SOX5: variants seen among roughly 807,000 people sequenced by gnomAD.
SOX5 encodes transcription factor SOX-5.
SOX5 carries 9 observed loss-of-function variants against 92.0 expected under a neutral mutation model. The ratio of observed to expected loss-of-function variants is 0.10; its 90% CI spans 0.06 to 0.17. The LOEUF is 0.17. SOX5 is among the 10% of genes least tolerant of loss of function. The pLI is 1.00. For missense variants in SOX5, 642 were observed against 944.5 expected (o/e 0.68, Z 4.20); for synonymous variants, 344 against 336.3 (o/e 1.02, Z -0.25).
At chr12:24,287,410 C>A (rs1177922183) in intron 2 of SOX5, among the ~76,000 whole-genome samples, 1 of 152,090 alleles carries the variant, frequency 6.6e-6, no homozygotes, top group African/African-American at 2.4e-5. Context: ...GAAACATGAA[C>A]AAAGTACTTG....
intron 1 of SOX5, among the ~76,000 whole-genome samples, chr12:24,435,150 GA>G (rs915635313): frequency 3.3e-5 from 5 of 152,160 alleles, no homozygotes; most frequent in African/African-American, 1.2e-4. Flanking sequence ...GCCTGTGAGG[GA>G]AAAAAAGTAT....
chr12:24,540,585 T>C (rs1952032520), intron 1 of SOX5, among the ~76,000 whole-genome samples: 1 of 152,122 alleles, frequency 6.6e-6, no homozygotes, highest in Non-Finnish European at 1.5e-5. Context: ...TTCTGGTGAA[T>C]TAAAAAAGGA....
chr12:24,132,976 G>C (rs1052850629), intron 4 of SOX5, among the ~76,000 whole-genome samples: 1 of 152,160 alleles, frequency 6.6e-6, no homozygotes, highest in African/African-American at 2.4e-5. Flanking sequence ...ATTGCAGTAA[G>C]TAAAAGATAA....
At chr12:24,358,065 G>A (rs1955086520) in intron 2 of SOX5, among the ~76,000 whole-genome samples, 1 of 152,094 alleles carries the variant, frequency 6.6e-6, no homozygotes, top group Non-Finnish European at 1.5e-5. Flanking sequence ...CACGTAACGG[G>A]CATCCAATAA....
At chr12:23,857,076 T>C (rs1595093530) in intron 2 of SOX5, among the ~76,000 whole-genome samples, 2 of 152,134 alleles carry the variant, frequency 1.3e-5, no homozygotes, top group South Asian at 4.2e-4. Context: ...TACAGAGCAT[T>C]CCCAGAGGCA....
At chr12:23,621,527 T>C (rs2077179928) in intron 8 of SOX5, among the ~76,000 whole-genome samples, 1 of 152,142 alleles carries the variant, frequency 6.6e-6, no homozygotes, top group African/African-American at 2.4e-5. Flanking sequence ...CAAGACCACA[T>C]TAGGCTTTAT....
intron 6 of SOX5, among the ~76,000 whole-genome samples, chr12:23,677,095 A>G (rs1358008382): frequency 6.6e-6 from 1 of 152,170 alleles, no homozygotes; most frequent in Non-Finnish European, 1.5e-5. Flanking sequence ...TATACAATGG[A>G]TCTTAGGCTT....
intron 1 of SOX5, among the ~76,000 whole-genome samples, chr12:24,421,284 A>C (rs780388360): frequency 6.6e-6 from 1 of 152,112 alleles, no homozygotes; most frequent in Non-Finnish European, 1.5e-5. Flanking sequence ...ACCACAGCAT[A>C]TATTTGTTTT....
At chr12:24,367,088 T>C (rs1027332896) in intron 2 of SOX5, among the ~76,000 whole-genome samples, 1 of 152,160 alleles carries the variant, frequency 6.6e-6, no homozygotes, top group Admixed American at 6.5e-5. Flanking sequence ...CAGATATTAG[T>C]AGGAAATAAT....
intron 4 of SOX5, among the ~76,000 whole-genome samples, chr12:23,972,765 T>G (rs879023338): frequency 1.3e-5 from 2 of 152,196 alleles, no homozygotes; most frequent in Non-Finnish European, 2.9e-5. Context: ...GTGGACAGAT[T>G]AAATAAAGCT....
At chr12:24,131,294 C>T (rs754017378) in intron 4 of SOX5, among the ~76,000 whole-genome samples, 11 of 152,174 alleles carry the variant, frequency 7.2e-5, no homozygotes, top group Non-Finnish European at 1.3e-4. Flanking sequence ...CTCCTGGGTA[C>T]ACCTACAGTA....
intron 2 of SOX5, among the ~76,000 whole-genome samples, chr12:23,877,150 T>C (rs538741344): frequency 2.2e-3 from 337 of 152,144 alleles, no homozygotes; most frequent in Middle Eastern, 0.02. Flanking sequence ...ATAAAAAAAA[T>C]AAAACTTTCT....
chr12:23,679,505 G>T (rs1422961923), intron 6 of SOX5, among the ~76,000 whole-genome samples: 1 of 152,034 alleles, frequency 6.6e-6, no homozygotes, highest in Non-Finnish European at 1.5e-5. Context: ...TAAAAGCCTT[G>T]ATTTCATGAA....
intron 9 of SOX5, among the ~76,000 whole-genome samples, chr12:23,581,090 A>C (rs1027007622): frequency 1.4e-4 from 21 of 152,070 alleles, no homozygotes; most frequent in African/African-American, 4.6e-4. Flanking sequence ...CAAATACCAA[A>C]TGATTTAGAG....
chr12:24,171,415 A>G (rs895539176), intron 4 of SOX5, among the ~76,000 whole-genome samples: 2 of 151,480 alleles, frequency 1.3e-5, no homozygotes, highest in African/African-American at 4.9e-5. Context: ...AGTAGAGACG[A>G]GGTTTCACCA....
At chr12:24,190,854 A>G (rs1157743660) in intron 4 of SOX5, among the ~76,000 whole-genome samples, 1 of 152,244 alleles carries the variant, frequency 6.6e-6, no homozygotes, top group Non-Finnish European at 1.5e-5. Flanking sequence ...ACCTCTTTAT[A>G]TGAATTACAG....
chr12:23,737,042 A>C (rs1202596921), intron 5 of SOX5, among the ~76,000 whole-genome samples: 1 of 151,836 alleles, frequency 6.6e-6, no homozygotes, highest in Non-Finnish European at 1.5e-5. Context: ...GAGTAGAAGG[A>C]AGATTACCTT....
chr12:24,327,358 A>AGAAAT (rs1950814543), intron 2 of SOX5, among the ~76,000 whole-genome samples: 1 of 147,774 alleles, frequency 6.8e-6, no homozygotes, highest in Non-Finnish European at 1.5e-5. Context: ...GCACAGAAGC[A>AGAAAT]GAAATGAAGG....
At chr12:24,114,829 G>A (rs182032361) in intron 4 of SOX5, among the ~76,000 whole-genome samples, 88 of 151,956 alleles carry the variant, frequency 5.8e-4, no homozygotes, top group Non-Finnish European at 1.0e-3. Context: ...CTAGCTACTC[G>A]GGAGGCTGGG....
Sources: gnomAD v4.1 joint callset for allele counts (sites outside exome capture counted in the v4.1 genomes callset) on GRCh38, gnomAD v4.1.1 for gene constraint, MANE v1.5 for transcripts, NCBI Gene and HGNC (gene_info 2026-07-23, HGNC 2026-07-21) for gene names.